RALA: variants seen among roughly 807,000 people sequenced by gnomAD.
RALA encodes ras-related protein Ral-A.
In RALA, 5 loss-of-function variants were observed where a neutral mutation model predicts 24.0. The observed-to-expected ratio is 0.21, with a 90% CI of 0.11 to 0.44. The LOEUF (loss-of-function observed/expected upper bound fraction) is 0.44. RALA is among the 20% of genes least tolerant of loss of function. The pLI is 0.99. For synonymous variants in RALA, 77 were observed against 83.8 expected, an observed-to-expected ratio of 0.92 and a Z score of 0.44; for missense variants, 95 against 241.2, an observed-to-expected ratio of 0.39 and a Z score of 4.01.
chr7:39,644,323 C>G (rs1791889567), intron 1 of RALA, among the ~76,000 whole-genome samples: 1 of 151,962 alleles, frequency 6.6e-6, no homozygotes, highest in Admixed American at 6.6e-5. Context: ...TCATTTCTTG[C>G]AACCTTGGTT....
intron 4 of RALA, among the ~76,000 whole-genome samples, chr7:39,704,205 T>G (rs1378382313): frequency 6.6e-6 from 1 of 152,008 alleles, no homozygotes; most frequent in African/African-American, 2.4e-5. Flanking sequence ...CTTTGTTTTG[T>G]TTTGTTGGAA....
intron 4 of RALA, chr7:39,700,813 A>G (rs1793013011): frequency 6.6e-6 from 1 of 152,226 alleles, no homozygotes; most frequent in Non-Finnish European, 1.5e-5. Flanking sequence ...GCAAATCCAT[A>G]CTGAAGACTA....
chr7:39,653,041 A>T (rs6462938), intron 1 of RALA, among the ~76,000 whole-genome samples: 53,012 of 147,726 alleles, frequency 0.36, 9,555 homozygotes, highest in South Asian at 0.41. Context: ...TATTATTATT[A>T]TTTTTTGAGA....
chr7:39,670,136 C>A (rs1385200300), intron 1 of RALA, among the ~76,000 whole-genome samples: 3 of 152,158 alleles, frequency 2.0e-5, no homozygotes, highest in African/African-American at 7.2e-5. Context: ...TATTAAACAT[C>A]TAAGCCTGCA....
chr7:39,683,935 AAAT>A (rs1792650845), intron 1 of RALA, among the ~76,000 whole-genome samples: 4 of 152,176 alleles, frequency 2.6e-5, no homozygotes, highest in Non-Finnish European at 5.9e-5. Context: ...ACTGTTTTAA[AAAT>A]AAAACAGTAG....
At chr7:39,683,884 T>G (rs2116059003) in intron 1 of RALA, among the ~76,000 whole-genome samples, 1 of 151,772 alleles carries the variant, frequency 6.6e-6, no homozygotes, top group Non-Finnish European at 1.5e-5. Context: ...ACTCTTAGAG[T>G]ATTAATTGAT....
intron 1 of RALA, among the ~76,000 whole-genome samples, chr7:39,680,239 T>C (rs1235848795): frequency 4.0e-5 from 6 of 151,676 alleles, no homozygotes; most frequent in Non-Finnish European, 5.9e-5. Context: ...TGTGGTGGCA[T>C]GCACCTGTAG....
chr7:39,630,687 T>C (rs951287768), intron 1 of RALA, among the ~76,000 whole-genome samples: 6 of 152,190 alleles, frequency 3.9e-5, no homozygotes, highest in African/African-American at 1.4e-4. Context: ...TTTCTATGTA[T>C]GATATAAGGA....
At chr7:39,650,876 T>G (rs141646953) in intron 1 of RALA, among the ~76,000 whole-genome samples, 2,155 of 152,266 alleles carry the variant, frequency 0.014, 55 homozygotes, top group African/African-American at 0.049. Flanking sequence ...TCGTATCTTA[T>G]TCATGGCTAT....
intron 2 of RALA, among the ~76,000 whole-genome samples, chr7:39,689,220 T>C (rs940851366): frequency 6.6e-6 from 1 of 152,134 alleles, no homozygotes; most frequent in African/African-American, 2.4e-5. Context: ...AACTAACTCC[T>C]GGGCTCAAGT....
intron 1 of RALA, among the ~76,000 whole-genome samples, chr7:39,651,775 C>T (rs1261056522): frequency 6.6e-6 from 1 of 151,990 alleles, no homozygotes; most frequent in Non-Finnish European, 1.5e-5. Flanking sequence ...TATATAAATG[C>T]TGTTTGTAAG....
chr7:39,629,253 T>A (rs973811863), intron 1 of RALA, among the ~76,000 whole-genome samples: 1 of 152,254 alleles, frequency 6.6e-6, no homozygotes, highest in Non-Finnish European at 1.5e-5. Context: ...AGCAGTGTTT[T>A]GTCAGCTTTT....
At chr7:39,687,005 C>T (rs919181514) in intron 2 of RALA, among the ~76,000 whole-genome samples, 2 of 152,086 alleles carry the variant, frequency 1.3e-5, no homozygotes, top group African/African-American at 4.8e-5. Context: ...AAACTAAAAA[C>T]AGTACGCCTT....
chr7:39,651,915 T>C (rs1792024356), intron 1 of RALA, among the ~76,000 whole-genome samples: 2 of 152,226 alleles, frequency 1.3e-5, no homozygotes, highest in South Asian at 4.1e-4. Flanking sequence ...AATATTCTTA[T>C]CGCTAATTTT....
At chr7:39,697,363 A>G (rs1792939147) in intron 4 of RALA, 1 of 456,564 alleles carries the variant, frequency 2.2e-6, no homozygotes, top group African/African-American at 2.0e-5. Flanking sequence ...AAAGAAAGGA[A>G]AGTAAACACT....
chr7:39,681,546 T>C (rs1247972904), intron 1 of RALA, among the ~76,000 whole-genome samples: 1 of 151,958 alleles, frequency 6.6e-6, no homozygotes, highest in African/African-American at 2.4e-5. Context: ...TGCACAGAAT[T>C]AGCTCTTTTT....
chr7:39,688,575 C>T (rs12701755), intron 2 of RALA, among the ~76,000 whole-genome samples: 46,804 of 139,670 alleles, frequency 0.34, 8,104 homozygotes, highest in Non-Finnish European at 0.4. Flanking sequence ...TATTCACATG[C>T]CTAATTTTTT....
At chr7:39,675,305 A>T (rs1210475539) in intron 1 of RALA, among the ~76,000 whole-genome samples, 2 of 152,214 alleles carry the variant, frequency 1.3e-5, no homozygotes, top group African/African-American at 4.8e-5. Context: ...ATGAGGTCAC[A>T]TGAGGTCAGG....
chr7:39,646,322 AAAC>A (rs914147477), intron 1 of RALA, among the ~76,000 whole-genome samples: 9 of 152,136 alleles, frequency 5.9e-5, no homozygotes, highest in Non-Finnish European at 1.2e-4. Context: ...TAAAAAATAA[AAAC>A]AAGCCCACTT....
Sources: allele counts gnomAD v4.1 joint callset (sites outside exome capture counted in the v4.1 genomes callset), GRCh38; gene constraint gnomAD v4.1.1; transcripts MANE v1.5; gene names NCBI Gene and HGNC (gene_info 2026-07-23, HGNC 2026-07-21).